Variants in DGKI observed in about 807,000 individuals in gnomAD.
DGKI encodes DAG kinase iota.
In DGKI, 55 loss-of-function variants were observed where a neutral mutation model predicts 147.5. That is an observed-to-expected ratio of 0.37 (90% CI 0.30 to 0.47). The LOEUF is 0.47. DGKI is among the 20% of genes least tolerant of loss of function. The pLI, the probability that DGKI is intolerant of heterozygous loss-of-function variation, is 1.00. For missense variants in DGKI, 1,007 were observed against 1,323.8 expected (o/e 0.76, Z 3.71); for synonymous variants, 469 against 477.1 (o/e 0.98, Z 0.22).
chr7:137,729,862 G>A (rs1175902050), intron 1 of DGKI, among the ~76,000 whole-genome samples: 3 of 152,022 alleles, frequency 2.0e-5, no homozygotes, highest in Non-Finnish European at 4.4e-5. Flanking sequence ...ATGGTTCCAT[G>A]TTCACTACTA....
intron 1 of DGKI, among the ~76,000 whole-genome samples, chr7:137,793,500 C>T (rs1010146719): frequency 4.6e-5 from 7 of 152,158 alleles, no homozygotes; most frequent in African/African-American, 1.4e-4. Flanking sequence ...AGGGTTTCAC[C>T]ATGTTGGCCA....
chr7:137,540,603 T>G (rs1817655443), intron 20 of DGKI, among the ~76,000 whole-genome samples: 1 of 151,834 alleles, frequency 6.6e-6, no homozygotes, highest in South Asian at 2.1e-4. Flanking sequence ...GGAAGATCAC[T>G]TGAACCCAGG....
At chr7:137,479,101 A>G (rs1232969018) in intron 23 of DGKI, among the ~76,000 whole-genome samples, 2 of 152,176 alleles carry the variant, frequency 1.3e-5, no homozygotes, top group Admixed American at 1.3e-4. Context: ...ATGATTCATC[A>G]AAGAGATAAG....
At chr7:137,428,241 T>C (rs1264836901) in intron 28 of DGKI, among the ~76,000 whole-genome samples, 3 of 151,426 alleles carry the variant, frequency 2.0e-5, no homozygotes, top group Non-Finnish European at 2.9e-5. Context: ...GCAAGGCTGG[T>C]TCAATATATG....
At chr7:137,427,729 A>C (rs1812880346) in intron 28 of DGKI, among the ~76,000 whole-genome samples, 1 of 152,162 alleles carries the variant, frequency 6.6e-6, no homozygotes, top group Non-Finnish European at 1.5e-5. Flanking sequence ...ATCACCACTG[A>C]TCCCACAGAA....
intron 1 of DGKI, among the ~76,000 whole-genome samples, chr7:137,712,953 G>C (rs2116574620): frequency 6.6e-6 from 1 of 152,248 alleles, no homozygotes; most frequent in East Asian, 1.9e-4. Context: ...AAAATGGTCA[G>C]CCAGCTTCAG....
chr7:137,493,677 T>C (rs934643666), intron 21 of DGKI: 35 of 689,668 alleles, frequency 5.1e-5, no homozygotes, highest in Non-Finnish European at 7.3e-5. Context: ...CAAAAAAACA[T>C]CTAAAAGATA....
intron 29 of DGKI, among the ~76,000 whole-genome samples, 177 bp downstream of exon 29, chr7:137,411,993 C>T (rs372624342): frequency 4.6e-5 from 7 of 152,110 alleles, no homozygotes; most frequent in African/African-American, 1.4e-4. Flanking sequence ...ACAAGTACCC[C>T]GGTGCTCTTG....
At chr7:137,587,492 T>C (rs1370914621) in intron 12 of DGKI, among the ~76,000 whole-genome samples, 5 of 152,196 alleles carry the variant, frequency 3.3e-5, no homozygotes, top group Admixed American at 6.5e-5. Context: ...TGTAAATTTC[T>C]CAGAGTTTAA....
chr7:137,650,528 T>C (rs538677056), intron 5 of DGKI, among the ~76,000 whole-genome samples: 4 of 152,256 alleles, frequency 2.6e-5, no homozygotes, highest in African/African-American at 4.8e-5. Context: ...GCAATGGTAA[T>C]AGGAGGTAAG....
intron 1 of DGKI, among the ~76,000 whole-genome samples, chr7:137,802,776 T>C (rs1797255356): frequency 1.3e-5 from 2 of 152,226 alleles, no homozygotes; most frequent in Admixed American, 1.3e-4. Flanking sequence ...AAGCTGTTCA[T>C]CTCTGAGTCA....
At chr7:137,445,701 T>C (rs984421227) in intron 27 of DGKI, among the ~76,000 whole-genome samples, 1 of 152,162 alleles carries the variant, frequency 6.6e-6, no homozygotes, top group Admixed American at 6.6e-5. Context: ...ATCATGTTAC[T>C]GTAAAACCAT....
At chr7:137,609,961 G>A (rs1383574000) in intron 8 of DGKI, among the ~76,000 whole-genome samples, 5 of 152,034 alleles carry the variant, frequency 3.3e-5, no homozygotes, top group Non-Finnish European at 5.9e-5. Context: ...TTCGTCTCCC[G>A]CCCAACCAAG....
intron 10 of DGKI, among the ~76,000 whole-genome samples, chr7:137,605,360 TAAAATAAAATAAAATAAAAA>T (rs1175999819): frequency 1.7e-4 from 25 of 147,332 alleles, no homozygotes; most frequent in African/African-American, 6.4e-4. Context: ...TAAAATAAAA[TAAAATAAAATAAAATAAAAA>T]AAGTTGAAAT....
At chr7:137,803,540 T>C (rs975865544) in intron 1 of DGKI, among the ~76,000 whole-genome samples, 21 of 152,210 alleles carry the variant, frequency 1.4e-4, no homozygotes, top group African/African-American at 4.6e-4. Context: ...GCTATTTTTC[T>C]TTATGATGTC....
intron 27 of DGKI, among the ~76,000 whole-genome samples, chr7:137,455,640 G>A (rs111541609): frequency 0.31 from 4,780 of 15,472 alleles, 232 homozygotes; most frequent in African/African-American, 0.42. Context: ...AAAAAAAAAA[G>A]GGGGGGGGGC....
At chr7:137,570,615 T>C (rs1818760498) in intron 19 of DGKI, among the ~76,000 whole-genome samples, 1 of 150,362 alleles carries the variant, frequency 6.7e-6, no homozygotes, top group Non-Finnish European at 1.5e-5. Context: ...TTTTTTGAGA[T>C]GCAGTTTCAC....
chr7:137,785,038 G>C (rs777932255), intron 1 of DGKI, among the ~76,000 whole-genome samples: 1 of 151,716 alleles, frequency 6.6e-6, no homozygotes, highest in East Asian at 1.9e-4. Context: ...ACAAATAGAC[G>C]ATCTAAGGTC....
rs1811591424 is a variant in DGKI, at chr7:137,397,384, T to C, written c.2950A>G (p.Ser984Gly). 1 of 1,613,226 alleles carries C rather than the reference T, an allele frequency of 6.2e-7. No homozygotes were observed. ...ATAAAAGGCAACACTCACGTTTCACTGTCTGCCATATCCAATAACTCGGAA... is the reference window on the plus strand; with the variant it reads ...ATAAAAGGCAACACTCACGTTTCACCGTCTGCCATATCCAATAACTCGGAA... ...GPSELLDMAD[S>G]ETGETALHKA... The change falls in exon 31 of 33, where the codon AGT (serine) becomes GGT (glycine). Residue 984 changes from serine (S) to glycine (G), a missense_variant. By Grantham distance (56) the Ser-to-Gly change is moderately conservative. This residue lies in a region of DGKI where 385 missense variants were observed against 445.2 expected (regional missense o/e 0.86). Transcript: ENST00000614521.
Sources: gnomAD v4.1 joint callset for allele counts (sites outside exome capture counted in the v4.1 genomes callset) on GRCh38, gnomAD v4.1.1 for gene constraint, gnomAD v4.1.1 regional missense constraint, MANE v1.5 for transcripts, NCBI Gene and HGNC (gene_info 2026-07-23, HGNC 2026-07-21) for gene names.